DNAH11: variants seen among roughly 807,000 people sequenced by gnomAD.
The protein encoded by DNAH11 is axonemal beta dynein heavy chain 11.
DNAH11 carries 442 observed loss-of-function variants against 526.0 expected under a neutral mutation model. The ratio of observed to expected loss-of-function variants is 0.84; its 90% CI spans 0.78 to 0.91. The LOEUF is 0.91. DNAH11 is among the 40% of genes least tolerant of loss of function. The pLI is 0.00. For missense variants in DNAH11, 6,989 were observed against 5,448.7 expected, an observed-to-expected ratio of 1.28 and a Z score of -8.90; for synonymous variants, 2,461 against 1,935.9, an observed-to-expected ratio of 1.27 and a Z score of -7.12.
In DNAH11 at chr7:21,898,881, C is replaced by G. The variant is rs1784629693; in HGVS notation, c.13050-455C>G. ...CGTCACGTGCTCCACTGCCTCCGCA[C>G]ATGCTGTTCCCTCTGCTTATCAATC... On this transcript the variant is annotated intron_variant, in intron 79 of 81. Coordinates refer to ENST00000409508, the MANE Select transcript of DNAH11 (RefSeq NM_001277115.2). 2.6e-5 allele frequency among the ~76,000 whole-genome samples: 4 copies of G among 152,330 alleles called. No homozygotes were observed. In the South Asian group the frequency reaches 8.3e-4, roughly 32 times the overall value.
At chr7:21,812,707 T>A (rs74650372) in intron 63 of DNAH11, among the ~76,000 whole-genome samples, 3 of 152,140 alleles carry the variant, frequency 2.0e-5, no homozygotes, top group East Asian at 3.9e-4. Flanking sequence ...ATGAACTCTT[T>A]CCACTTCAGA....
chr7:21,846,427 A>G (rs1213359583), intron 66 of DNAH11, among the ~76,000 whole-genome samples: 4 of 152,094 alleles, frequency 2.6e-5, no homozygotes, highest in South Asian at 2.1e-4. Context: ...GAGTTTTTTT[A>G]TCATTAAATT....
intron 22 of DNAH11, 33 bp from the exon 23 acceptor site, chr7:21,617,586 G>C: frequency 1.2e-6 from 2 of 1,611,266 alleles, no homozygotes; most frequent in Admixed American, 1.7e-5. Flanking sequence ...GTTATATCTT[G>C]GGAGCTAGGT....
At position 21,612,187 on chromosome 7, in the gene DNAH11, A is replaced by T. The variant is rs997396184; in HGVS notation, c.3853-2927A>T. ...AGTAAATCTGAGTAGTCATATAACTATTCAAACTTAGCCAGTCAGAAAATA... is the reference window on the plus strand; with the variant it reads ...AGTAAATCTGAGTAGTCATATAACTTTTCAAACTTAGCCAGTCAGAAAATA... On this transcript the variant is annotated intron_variant, in intron 20 of 81. Coordinates refer to ENST00000409508, the MANE Select transcript of DNAH11 (RefSeq NM_001277115.2). Among the ~76,000 whole-genome samples the T allele has an allele frequency of 2.0e-5, 3 of 152,188 alleles. No homozygotes were observed. In the South Asian group the frequency reaches 6.2e-4, roughly 31 times the overall value.
intron 72 of DNAH11, among the ~76,000 whole-genome samples, 151 bp downstream of exon 72, chr7:21,868,158 T>C (rs1041846122): frequency 2.0e-5 from 3 of 150,054 alleles, no homozygotes; most frequent in African/African-American, 7.4e-5. Context: ...AATGTAAAGC[T>C]AATAACCCCA....
intron 74 of DNAH11, among the ~76,000 whole-genome samples, chr7:21,874,940 A>G (rs1186384823): frequency 2.6e-5 from 4 of 152,162 alleles, no homozygotes; most frequent in Non-Finnish European, 5.9e-5. Context: ...CCTCTTAGAA[A>G]TATCATTCTC....
chr7:21,859,791 A>G (rs1004480828), intron 68 of DNAH11, among the ~76,000 whole-genome samples: 31 of 152,304 alleles, frequency 2.0e-4, no homozygotes, highest in African/African-American at 7.5e-4. Context: ...TCACCAAGGC[A>G]TGAATGAGAG....
rs1404930495 is a variant in DNAH11, at chr7:21,658,830, T to C, written c.5127T>C (p.Thr1709=). Residue 1709 remains threonine, a synonymous_variant, in exon 30 of 82, where the codon ACT becomes ACC. Transcript: ENST00000409508. ...VETWLLQLEQ[T]MQETVRHSIT... ...CATGGCTTCTGCAACTTGAACAGAC[T>C]ATGCAAGAAACGGTGCGTCATTCTA... is the stretch of plus-strand genomic sequence containing the variant. 1 of 1,597,486 alleles carries C rather than the reference T, an allele frequency of 6.3e-7. No individual in the cohort carries two copies. Among genetic ancestry groups the C allele is most frequent in the Non-Finnish European group, 8.5e-7 (1 of 1,171,984 alleles).
At chr7:21,874,428 C>A (rs943812754) in intron 74 of DNAH11, among the ~76,000 whole-genome samples, 2 of 151,954 alleles carry the variant, frequency 1.3e-5, no homozygotes, top group African/African-American at 4.8e-5. Context: ...CTCAGCCTCC[C>A]AGGTTGAAGC....
At chr7:21,842,434 C>G in intron 65 of DNAH11, 110 bp from the exon 66 acceptor site, 1 of 892,208 alleles carries the variant, frequency 1.1e-6, no homozygotes, top group Non-Finnish European at 1.6e-6. Flanking sequence ...TTCTCAATCA[C>G]CTGAGCTTCT....
chr7:21,592,217 G>A (rs1049554218), intron 14 of DNAH11, among the ~76,000 whole-genome samples: 1 of 152,218 alleles, frequency 6.6e-6, no homozygotes, highest in Non-Finnish European at 1.5e-5. Context: ...AGATATGTCA[G>A]TTGTAATAGG....
chr7:21,849,785 A>C (rs1782552828), intron 66 of DNAH11, among the ~76,000 whole-genome samples: 1 of 152,094 alleles, frequency 6.6e-6, no homozygotes, highest in Non-Finnish European at 1.5e-5. Context: ...TGCAATGACT[A>C]AGAGTTGATT....
intron 28 of DNAH11, among the ~76,000 whole-genome samples, chr7:21,642,634 A>G (rs1039726649): frequency 6.6e-6 from 1 of 152,156 alleles, no homozygotes; most frequent in Non-Finnish European, 1.5e-5. Flanking sequence ...CAATTTCCCC[A>G]TAAAAGGCGC....
Position 21,773,973 on chromosome 7 carries a change from C to T in DNAH11, c.9310C>T (p.Gln3104Ter). Residue 3104 changes from glutamine (Q) to a stop codon, truncating the protein, a stop_gained, in exon 56 of 82, where the codon CAA becomes TAA. Coordinates refer to ENST00000409508, the MANE Select transcript of DNAH11 (RefSeq NM_001277115.2). LOFTEE classifies it high-confidence loss of function. ...EKKERLVNGI[Q>*]KLKTTASQVG... ...AAAAGAACGCCTGGTGAACGGCATC[C>T]AAAAGCTAAAAACCACAGCCTCTCA... 6.4e-7 allele frequency: 1 copy of T among 1,571,766 alleles called. No homozygotes were observed. Among genetic ancestry groups the T allele is most frequent in the Non-Finnish European group, 8.6e-7 (1 of 1,159,238 alleles).
At chr7:21,896,135 A>G (rs968990552) in intron 79 of DNAH11, among the ~76,000 whole-genome samples, 1 of 152,002 alleles carries the variant, frequency 6.6e-6, no homozygotes, top group African/African-American at 2.4e-5. Context: ...AAGCCACATT[A>G]TGTTTGTTGT....
rs1212773412 is a variant in DNAH11 at position 21,710,495 on chromosome 7, G to A, written c.6684-58G>A. The A allele has an allele frequency of 8.9e-6, 13 of 1,461,224 alleles. No homozygotes were observed. In the East Asian group the frequency reaches 1.2e-4, roughly 13 times the overall value. 90.5% of individuals were successfully genotyped at this position (1,461,224 alleles called of 1,614,324 possible). On this transcript the variant is annotated intron_variant, in intron 40 of 81. Coordinates refer to ENST00000409508, the MANE Select transcript of DNAH11 (RefSeq NM_001277115.2). ...ATTTAGTTAATAAAAGAGCTTCCAA[G>A]ATGAATAATATCAATCTATCGTAGA... is the stretch of plus-strand genomic sequence containing the variant.
chr7:21,724,861 C>T lies in DNAH11; in HGVS notation c.7267-950C>T, dbSNP rs75453308. ...GGATATGGCAGTGACTGGACCAGATCATCCTAGGGATATAGGAGTCTCTGG... is the reference window on the plus strand; with the variant it reads ...GGATATGGCAGTGACTGGACCAGATTATCCTAGGGATATAGGAGTCTCTGG... On this transcript the variant is annotated intron_variant, in intron 44 of 81. Coordinates refer to ENST00000409508, the MANE Select transcript of DNAH11 (RefSeq NM_001277115.2). Among the ~76,000 whole-genome samples the T allele has an allele frequency of 1.8e-4, 25 of 135,924 alleles. 1 individual carries two copies. The highest frequency in any genetic ancestry group is 5.2e-4 in the African/African-American group (20 of 38,140). 89.2% of individuals were successfully genotyped at this position (135,924 alleles called of 152,430 possible). A position where few individuals can be genotyped will look rare whatever the true frequency, so the allele number is the denominator to read the frequency against.
At chr7:21,643,561 A>C (rs1469926683) in intron 28 of DNAH11, among the ~76,000 whole-genome samples, 1 of 152,222 alleles carries the variant, frequency 6.6e-6, no homozygotes, top group Non-Finnish European at 1.5e-5. Context: ...AGCACTTGAA[A>C]TGTGGCAGCT....
chr7:21,866,932 G>A (rs760288898), intron 71 of DNAH11, among the ~76,000 whole-genome samples: 5 of 152,236 alleles, frequency 3.3e-5, no homozygotes, highest in Non-Finnish European at 7.3e-5. Context: ...TCCTGGAAGA[G>A]AAATGGGTGT....
Sources: allele counts gnomAD v4.1 joint callset (sites outside exome capture counted in the v4.1 genomes callset), GRCh38; gene constraint gnomAD v4.1.1; transcripts MANE v1.5; gene names NCBI Gene and HGNC (gene_info 2026-07-23, HGNC 2026-07-21).